Variants in SFRP1 observed in about 807,000 individuals in gnomAD.
SFRP1 encodes secreted frizzled related protein 1, also known as secreted frizzled-related protein 1.
SFRP1 carries 9 observed loss-of-function variants against 25.9 expected under a neutral mutation model. The ratio of observed to expected loss-of-function variants is 0.35; its 90% CI spans 0.21 to 0.61. The LOEUF (loss-of-function observed/expected upper bound fraction) is 0.61. Among genes scored for constraint, SFRP1 ranks in the 20% least tolerant of loss-of-function variants. The probability of loss-of-function intolerance (pLI) is 0.78; values close to 1 mark genes in which losing one functional copy is unlikely to be tolerated. For missense variants in SFRP1, 346 were observed against 418.2 expected (o/e 0.83, Z 1.51); for synonymous variants, 178 against 174.0 (o/e 1.02, Z -0.18).
chr8:41,273,374 C>T (rs1257092181), intron 2 of SFRP1, among the ~76,000 whole-genome samples: 2 of 135,158 alleles, frequency 1.5e-5, no homozygotes, highest in African/African-American at 2.7e-5. Flanking sequence ...ACCTGTGGGC[C>T]GATCTACTCA....
rs571173971 is a variant in SFRP1, at chr8:41,266,264, C to T, written c.623-775G>A. 4.6e-5 allele frequency among the ~76,000 whole-genome samples: 7 copies of T among 152,204 alleles called. No individual in the cohort carries two copies. In the South Asian group the frequency reaches 1.0e-3, roughly 23 times the overall value. ...TATCTCTCTGTAATGGCCATCGGTG[C>T]CAGGAGATCCTCAAATAAATTTCAA... On this transcript the variant is annotated intron_variant, in intron 2 of 2. Transcript: ENST00000220772.
At chr8:41,281,993 C>A (rs545343495) in intron 2 of SFRP1, among the ~76,000 whole-genome samples, 1 of 152,212 alleles carries the variant, frequency 6.6e-6, no homozygotes, top group African/African-American at 2.4e-5. Context: ...GGACAATTCA[C>A]GAGACAGCTG....
At chr8:41,266,178 T>C (rs567656353) in intron 2 of SFRP1, among the ~76,000 whole-genome samples, 44 of 151,086 alleles carry the variant, frequency 2.9e-4, no homozygotes, top group African/African-American at 1.0e-3. Context: ...AAAAAAAAAA[T>C]CAAGGTCTCA....
intron 2 of SFRP1, among the ~76,000 whole-genome samples, chr8:41,295,175 A>G (rs1803827735): frequency 6.6e-6 from 1 of 152,208 alleles, no homozygotes; most frequent in South Asian, 2.1e-4. Context: ...AGCCTGGCCA[A>G]CATGGTGAAA....
intron 2 of SFRP1, among the ~76,000 whole-genome samples, chr8:41,285,285 T>C (rs1803684494): frequency 6.6e-6 from 1 of 151,990 alleles, no homozygotes; most frequent in Admixed American, 6.6e-5. Context: ...GAACCAGGAC[T>C]CCCGACTTCC....
intron 1 of SFRP1, among the ~76,000 whole-genome samples, chr8:41,308,310 G>A (rs944185854): frequency 1.4e-4 from 21 of 152,276 alleles, no homozygotes; most frequent in Admixed American, 1.1e-3. Context: ...GTATGGGAAA[G>A]GCGAAGTTGG....
chr8:41,297,295 C>CA (rs34801356), intron 2 of SFRP1, among the ~76,000 whole-genome samples: 34,998 of 152,108 alleles, frequency 0.23, 4,252 homozygotes, highest in Non-Finnish European at 0.28. Context: ...CCACCCACCT[C>CA]AGCCTCCCAA....
intron 2 of SFRP1, among the ~76,000 whole-genome samples, chr8:41,298,590 G>A (rs1177490928): frequency 6.6e-6 from 1 of 151,964 alleles, no homozygotes; most frequent in Non-Finnish European, 1.5e-5. Context: ...ATTTTTAATG[G>A]GGATGGGGTT....
chr8:41,308,676 C>T lies in SFRP1; in HGVS notation c.484G>A (p.Glu162Lys). 1.2e-6 allele frequency: 2 copies of T among 1,610,740 alleles called. No individual in the cohort carries two copies. ...PEMLKCDKFP[E>K]GDVCIAMTPP... ...GTCATGGCGATGCAGACGTCCCCCT[C>T]GGGGAACTTGTCACACTTAAGCATC... Residue 162 changes from glutamate (E) to lysine (K), a missense_variant, in exon 1 of 3, where the codon GAG (glutamate) becomes AAG (lysine). Physicochemically the swap from Glu to Lys is moderately conservative, Grantham distance 56. Transcript: ENST00000220772.
At position 41,263,073 on chromosome 8, in the gene SFRP1, AC is replaced by A. The variant is rs1342874005; in HGVS notation, c.*2093del. ...TGGTAACTACTAATGTTCCAGGTAA[AC>A]CCCTCCACTAAGGACTCTGCCGCAG... On this transcript the variant is annotated 3_prime_UTR_variant, in exon 3 of 3. Transcript: ENST00000220772. 6.6e-6 allele frequency: 1 copy of A among 152,176 alleles called. No individual in the cohort carries two copies. The highest frequency in any genetic ancestry group is 1.5e-5 in the Non-Finnish European group (1 of 68,016). The allele number at this position is 152,176 out of a possible 1,614,324, so 9.4% of individuals were successfully genotyped here. A position where few individuals can be genotyped will look rare whatever the true frequency, so the allele number is the denominator to read the frequency against.
chr8:41,265,112 T>TA lies in SFRP1; in HGVS notation c.*54_*55insT. On this transcript the variant is annotated 3_prime_UTR_variant, in exon 3 of 3. Coordinates refer to ENST00000220772, the MANE Select transcript of SFRP1 (RefSeq NM_003012.5). ...GACCCACCGGGTTCCCGGGGCACTG[T>TA]CCCCCCCGCTCCCACCCCACCCGAG... 2.1e-5 allele frequency: 11 copies of TA among 517,766 alleles called. No individual in the cohort carries two copies. Among genetic ancestry groups the TA allele is most frequent in the East Asian group, 3.6e-5 (1 of 28,056 alleles). 32.1% of individuals were successfully genotyped at this position (517,766 alleles called of 1,614,324 possible).
At chr8:41,306,576 T>C (rs1803999593) in intron 1 of SFRP1, 1 of 958,930 alleles carries the variant, frequency 1.0e-6, no homozygotes, top group East Asian at 2.6e-5. Flanking sequence ...GGGATTGCAG[T>C]CCTGGGGAGG....
chr8:41,303,414 CCAGGAG>C (rs1405859576), intron 2 of SFRP1, 41 bp downstream of exon 2: 5 of 1,408,000 alleles, frequency 3.6e-6, no homozygotes, highest in Non-Finnish European at 5.0e-6. Flanking sequence ...GAGGCACAGA[CCAGGAG>C]GTTCCAAACC....
At position 41,292,755 on chromosome 8, in the gene SFRP1, G is replaced by T. The variant is rs562237131; in HGVS notation, c.622+10706C>A. On this transcript the variant is annotated intron_variant, in intron 2 of 2. Coordinates refer to ENST00000220772, the MANE Select transcript of SFRP1 (RefSeq NM_003012.5). ...AGGGCTCAGTAGAAGCCCAACGATT[G>T]TTGAATCATCTCTGCAAGAGTGCAC... Among the ~76,000 whole-genome samples, 4 of 152,308 alleles carry T rather than the reference G, an allele frequency of 2.6e-5. No homozygotes were observed. In the South Asian group the frequency reaches 8.3e-4, roughly 32 times the overall value.
chr8:41,306,298 T>C (rs940428855), intron 1 of SFRP1, among the ~76,000 whole-genome samples: 11 of 152,198 alleles, frequency 7.2e-5, no homozygotes, highest in African/African-American at 2.7e-4. Context: ...TGCAAAGATA[T>C]GACACTGCTT....
rs953463077 is a variant in SFRP1, at chr8:41,263,117, A to G, written c.*2050T>C. ...TGCCGCAGAGAGAGGGCCCGGTTGCATGAGGCACTTTGTCAAAATGAGCAG... is the reference window on the plus strand; with the variant it reads ...TGCCGCAGAGAGAGGGCCCGGTTGCGTGAGGCACTTTGTCAAAATGAGCAG... On this transcript the variant is annotated 3_prime_UTR_variant, in exon 3 of 3. Transcript: ENST00000220772. 6.6e-6 allele frequency: 1 copy of G among 152,592 alleles called. No individual in the cohort carries two copies. The highest frequency in any genetic ancestry group is 1.5e-5 in the Non-Finnish European group (1 of 68,052). The allele number at this position is 152,592 out of a possible 1,614,324, so 9.5% of individuals were successfully genotyped here.
At chr8:41,284,284 G>C (rs1051899074) in intron 2 of SFRP1, among the ~76,000 whole-genome samples, 6 of 152,042 alleles carry the variant, frequency 3.9e-5, no homozygotes, top group African/African-American at 1.4e-4. Flanking sequence ...GAAAGTGCCA[G>C]GTAAACACCC....
intron 2 of SFRP1, among the ~76,000 whole-genome samples, chr8:41,296,845 C>T (rs1353616629): frequency 7.2e-5 from 11 of 152,184 alleles, no homozygotes; most frequent in Admixed American, 7.2e-4. Context: ...TATCCTGGAA[C>T]ACCAGGCAGT....
Position 41,308,623 on chromosome 8 carries a change from C to G in SFRP1, c.537G>C (p.Lys179Asn), listed in dbSNP as rs200639526. The change falls in exon 1 of 3, where the codon AAG becomes AAC. Residue 179 changes from lysine (K) to asparagine (N), a missense_variant. Lys to Asn is a moderately conservative substitution (Grantham distance 94). Transcript: ENST00000220772. The part of the protein sequence containing the change: ...MTPPNATEAS[K>N]PQGTTVCPPC... ...GGGAGGAGGCAGCCTTACCTTGGGG[C>G]TTGGAGGCTTCGGTGGCATTGGGCG... The G allele has an allele frequency of 6.3e-7, 1 of 1,597,072 alleles. No homozygotes were observed. Among genetic ancestry groups the G allele is most frequent in the African/African-American group, 1.3e-5 (1 of 74,776 alleles).
Sources: allele counts gnomAD v4.1 joint callset (sites outside exome capture counted in the v4.1 genomes callset), GRCh38; gene constraint gnomAD v4.1.1; transcripts MANE v1.5; gene names NCBI Gene and HGNC (gene_info 2026-07-23, HGNC 2026-07-21).